Variants in CPEB2 observed in about 807,000 individuals in gnomAD.
CPEB2 encodes the protein cytoplasmic polyadenylation element binding protein 2.
Under a neutral mutation model 93.6 loss-of-function variants are expected in CPEB2, and 56 were observed. That is an observed-to-expected ratio of 0.60 (90% confidence interval 0.48 to 0.75). The LOEUF (loss-of-function observed/expected upper bound fraction) is 0.75. Among genes scored for constraint, CPEB2 ranks in the 30% least tolerant of loss-of-function variants. The probability of loss-of-function intolerance (pLI) is 0.00; values close to 1 mark genes in which losing one functional copy is unlikely to be tolerated. For missense variants in CPEB2, 1,579 were observed against 1,395.1 expected (o/e 1.13, Z -2.10); for synonymous variants, 764 against 586.3 (o/e 1.30, Z -4.38).
At chr4:15,044,216 T>C (rs1471759713) in intron 6 of CPEB2, among the ~76,000 whole-genome samples, 1 of 152,240 alleles carries the variant, frequency 6.6e-6, no homozygotes, top group Non-Finnish European at 1.5e-5. Flanking sequence ...CAAAGTTTTA[T>C]TGAAATGCAG....
intron 8 of CPEB2, among the ~76,000 whole-genome samples, chr4:15,056,198 C>A (rs552843723): frequency 6.6e-6 from 1 of 152,160 alleles, no homozygotes; most frequent in South Asian, 2.1e-4. Flanking sequence ...GGAGAAATTA[C>A]TTCAAGTAGA....
chr4:15,058,605 T>C (rs1728922481), intron 9 of CPEB2, 66 bp downstream of exon 9: 3 of 858,336 alleles, frequency 3.5e-6, no homozygotes, highest in Non-Finnish European at 5.8e-6. Flanking sequence ...TTTGAAATGA[T>C]TGTTAATTAA....
chr4:15,052,446 T>C lies in CPEB2; in HGVS notation c.2233T>C (p.Leu745=). The change falls in exon 7 of 12, where the codon TTG becomes CTG. Residue 745 remains leucine, a synonymous_variant. Coordinates refer to ENST00000538197, the MANE Select transcript of CPEB2 (RefSeq NM_001177382.2). ...TTCCCTCTTTCCAATAGATGATGGC[T>C]TGCTTGATGATGGTCACAGTGATCA... The part of the protein sequence containing the change: ...RSSLFPIDDG[L]LDDGHSDQVG... 2 of 1,561,794 alleles carry C rather than the reference T, an allele frequency of 1.3e-6. No individual in the cohort carries two copies. The highest frequency in any genetic ancestry group is 2.4e-5 in the South Asian group (2 of 83,448).
At chr4:15,047,965 C>T (rs146618058) in intron 6 of CPEB2, among the ~76,000 whole-genome samples, 1 of 148,480 alleles carries the variant, frequency 6.7e-6, no homozygotes, top group Non-Finnish European at 1.5e-5. Context: ...AGATGCATTT[C>T]CTACATTTAT....
At chr4:15,027,242 A>G (rs1240634883) in intron 4 of CPEB2, among the ~76,000 whole-genome samples, 1 of 152,150 alleles carries the variant, frequency 6.6e-6, no homozygotes, top group Non-Finnish European at 1.5e-5. Flanking sequence ...TAATTGGGTA[A>G]AAGTCTTAAA....
At chr4:15,022,099 G>A (rs1377413182) in intron 4 of CPEB2, among the ~76,000 whole-genome samples, 3 of 152,168 alleles carry the variant, frequency 2.0e-5, no homozygotes, top group Non-Finnish European at 4.4e-5. Flanking sequence ...GAGCCAGACA[G>A]AGGTTCTCAG....
chr4:15,040,389 G>A (rs779321391), intron 5 of CPEB2, 75 bp from the exon 6 acceptor site: 32 of 1,387,382 alleles, frequency 2.3e-5, no homozygotes, highest in African/African-American at 2.0e-4. Flanking sequence ...ATAGCTTTTC[G>A]TATCAGAAAT....
chr4:15,026,288 G>A (rs1029527467), intron 4 of CPEB2, among the ~76,000 whole-genome samples: 36 of 151,224 alleles, frequency 2.4e-4, no homozygotes, highest in African/African-American at 8.5e-4. Context: ...GTGCAGTGGC[G>A]TGATCTTGGC....
intron 6 of CPEB2, among the ~76,000 whole-genome samples, chr4:15,043,165 C>T (rs927988870): frequency 2.6e-5 from 4 of 152,158 alleles, no homozygotes; most frequent in Non-Finnish European, 5.9e-5. Context: ...TCTCACTTGA[C>T]TACAGTCAAA....
At chr4:15,025,606 G>A (rs1316867214) in intron 4 of CPEB2, among the ~76,000 whole-genome samples, 1 of 151,666 alleles carries the variant, frequency 6.6e-6, no homozygotes, top group Non-Finnish European at 1.5e-5. Flanking sequence ...TCTTCTGCTT[G>A]TGAGCTGTAG....
intron 4 of CPEB2, among the ~76,000 whole-genome samples, chr4:15,020,376 C>T (rs1399369703): frequency 2.0e-5 from 3 of 152,098 alleles, no homozygotes; most frequent in South Asian, 4.2e-4. Flanking sequence ...AAAAATTAGT[C>T]AAGGTGAGAC....
chr4:15,009,468 T>A (rs565687594), intron 3 of CPEB2, among the ~76,000 whole-genome samples: 5 of 152,226 alleles, frequency 3.3e-5, no homozygotes, highest in African/African-American at 1.2e-4. Flanking sequence ...GTCTTGTTAA[T>A]ATAAGTTAGC....
intron 6 of CPEB2, among the ~76,000 whole-genome samples, chr4:15,049,781 T>G (rs1728049320): frequency 6.6e-6 from 1 of 152,196 alleles, no homozygotes; most frequent in African/African-American, 2.4e-5. Flanking sequence ...ATTTGAATCT[T>G]TAGAATAATT....
At chr4:15,036,192 C>T (rs1726587946) in intron 5 of CPEB2, among the ~76,000 whole-genome samples, 1 of 152,088 alleles carries the variant, frequency 6.6e-6, no homozygotes, top group South Asian at 2.1e-4. Flanking sequence ...AGGTGTAATA[C>T]AATAAATACC....
chr4:15,026,188 G>A (rs1018223121), intron 4 of CPEB2, among the ~76,000 whole-genome samples: 8 of 151,072 alleles, frequency 5.3e-5, no homozygotes, highest in Non-Finnish European at 1.0e-4. Flanking sequence ...TTTTTAATCA[G>A]AGCACTTTTC....
At position 15,003,642 on chromosome 4, in the gene CPEB2, C is replaced by G. The variant is rs901480135; in HGVS notation, c.969C>G (p.Asn323Lys). The change falls in exon 1 of 12, where the codon AAC becomes AAG. Residue 323 changes from asparagine to lysine, a missense_variant. Transcript: ENST00000538197. ...SMESPNHPLL[N>K]SPSNLLPGGA... ...AGTCCCCCAACCACCCTCTGCTCAACAGTCCCAGTAACCTCCTGCCCGGAG... is the reference window on the plus strand; with the variant it reads ...AGTCCCCCAACCACCCTCTGCTCAAGAGTCCCAGTAACCTCCTGCCCGGAG... 3 of 1,481,914 alleles carry G rather than the reference C, an allele frequency of 2.0e-6. No individual in the cohort carries two copies. The Admixed American group carries it at 6.8e-5, about 33-fold the overall frequency. 91.8% of individuals were successfully genotyped at this position (1,481,914 alleles called of 1,614,324 possible). A position where few individuals can be genotyped will look rare whatever the true frequency, so the allele number is the denominator to read the frequency against.
At position 15,066,896 on chromosome 4, in the gene CPEB2, G is replaced by C. The variant is rs1257129083; in HGVS notation, c.*516G>C. Reference sequence around the variant, plus strand: ...GGTTGATTTTTTTGCTCTCCATTTTGACTTGCAAGAAATAATACCTCAAGA... The same window carrying C: ...GGTTGATTTTTTTGCTCTCCATTTTCACTTGCAAGAAATAATACCTCAAGA... On this transcript the variant is annotated 3_prime_UTR_variant, in exon 12 of 12. Transcript: ENST00000538197. The C allele has an allele frequency of 1.3e-5, 2 of 153,662 alleles. No individual in the cohort carries two copies. The highest frequency in any genetic ancestry group is 1.3e-4 in the Admixed American group (2 of 15,414). The allele number at this position is 153,662 out of a possible 1,614,324, so 9.5% of individuals were successfully genotyped here.
rs1577484249 is a variant in CPEB2, at chr4:15,068,637, A to T, written c.*2257A>T. ...TCGCAGATTTTTAAACTTTATTTTC[A>T]TAATTTCTGCTTAATGTTTAAAATT... On this transcript the variant is annotated 3_prime_UTR_variant, in exon 12 of 12. Transcript: ENST00000538197. 1.3e-5 allele frequency: 2 copies of T among 152,254 alleles called. No homozygotes were observed. Among genetic ancestry groups the T allele is most frequent in the Non-Finnish European group, 1.5e-5 (1 of 67,840 alleles). 9.4% of individuals were successfully genotyped at this position (152,254 alleles called of 1,614,324 possible).
In CPEB2 at chr4:15,066,164, G is replaced by A; in HGVS notation, c.2889G>A (p.Lys963=). 1 of 1,612,952 alleles carries A rather than the reference G, an allele frequency of 6.2e-7. No individual in the cohort carries two copies. Among genetic ancestry groups the A allele is most frequent in the Non-Finnish European group, 8.5e-7 (1 of 1,179,282 alleles). ...TCTTTTTTTTCAAGGTGGAGGTAAA[G>A]CCATATGTGCTAGATGACCAGATGT... ...HGDIDKRVEV[K]PYVLDDQMCD... The change falls in exon 12 of 12, where the codon AAG becomes AAA. Residue 963 remains lysine, a synonymous_variant. Transcript: ENST00000538197.
Sources: gnomAD v4.1 joint callset for allele counts (sites outside exome capture counted in the v4.1 genomes callset) on GRCh38, gnomAD v4.1.1 for gene constraint, MANE v1.5 for transcripts, NCBI Gene and HGNC (gene_info 2026-07-23, HGNC 2026-07-21) for gene names.